The following KLF8 variants were observed in gnomAD, a reference collection of about 807,000 sequenced individuals.
KLF8 encodes the protein Krueppel-like factor 8.
Under a neutral mutation model 18.2 loss-of-function variants are expected in KLF8, and 10 were observed. The ratio of observed to expected loss-of-function variants is 0.55; its 90% CI spans 0.34 to 0.93. The LOEUF (loss-of-function observed/expected upper bound fraction) is 0.93, where lower values mean the gene tolerates loss of function less well. Among genes scored for constraint, KLF8 ranks in the 40% least tolerant of loss-of-function variants. KLF8 has a pLI of 0.02. For synonymous variants in KLF8, 109 were observed against 97.3 expected (o/e 1.12, Z -0.71); for missense variants, 264 against 277.9 (o/e 0.95, Z 0.36).
chrX:56,131,884 G>A, the KLF8 span, among the ~76,000 whole-genome samples: 1 of 112,016 alleles, frequency 8.9e-6, no homozygotes, highest in African/African-American at 3.2e-5. Flanking sequence ...GCAGTTAAAA[G>A]AGACAAAGAG....
chrX:56,038,781 G>A, the KLF8 span, among the ~76,000 whole-genome samples: 1 of 112,444 alleles, frequency 8.9e-6, no homozygotes, highest in South Asian at 3.6e-4. Context: ...GGTCTTTGAG[G>A]AACTGCCACA....
At chrX:56,229,642 G>T (rs1412984823), upstream of KLF8, among the ~76,000 whole-genome samples, 1 of 111,830 alleles carries the variant, frequency 8.9e-6, no homozygotes, top group Non-Finnish European at 1.9e-5. Flanking sequence ...ATTAACTGTG[G>T]TCATGGGTTT....
At chrX:56,051,371 C>G in the KLF8 span, among the ~76,000 whole-genome samples, 4 of 110,485 alleles carry the variant, frequency 3.6e-5, no homozygotes, top group African/African-American at 1.3e-4. Flanking sequence ...TCTCGATGGT[C>G]TTTACATTTT....
At chrX:56,082,134 T>G in the KLF8 span, among the ~76,000 whole-genome samples, 1 of 111,946 alleles carries the variant, frequency 8.9e-6, no homozygotes, top group African/African-American at 3.2e-5. Flanking sequence ...TCCTTACTGG[T>G]TATAGATGTA....
At chrX:56,058,030 C>T in the KLF8 span, among the ~76,000 whole-genome samples, 1 of 103,252 alleles carries the variant, frequency 9.7e-6, no homozygotes, top group African/African-American at 3.6e-5. Flanking sequence ...AACAAGTCCC[C>T]GCGTGGAGTA....
chrX:55,932,754 C>A, the KLF8 span, among the ~76,000 whole-genome samples: 2 of 112,022 alleles, frequency 1.8e-5, no homozygotes, highest in African/African-American at 6.5e-5. Flanking sequence ...GTCTGATGGG[C>A]TTCCCTTTGT....
the KLF8 span, among the ~76,000 whole-genome samples, chrX:56,006,788 G>T: frequency 3.6e-5 from 4 of 112,195 alleles, no homozygotes; most frequent in Non-Finnish European, 7.5e-5. Context: ...CATTCTACAG[G>T]TTGTCTCTTC....
chrX:56,060,647 C>G, the KLF8 span, among the ~76,000 whole-genome samples: 1 of 111,468 alleles, frequency 9.0e-6, no homozygotes, highest in Non-Finnish European at 1.9e-5. Flanking sequence ...CTGAAGTTTT[C>G]TTTTTTGTTG....
the KLF8 span, among the ~76,000 whole-genome samples, chrX:55,928,753 C>A: frequency 8.9e-6 from 1 of 112,308 alleles, no homozygotes; most frequent in Non-Finnish European, 1.9e-5. Context: ...GCCACATTTG[C>A]TTTATCCAGC....
chrX:56,111,991 C>T, the KLF8 span, among the ~76,000 whole-genome samples: 7 of 111,559 alleles, frequency 6.3e-5, no homozygotes, highest in East Asian at 2.0e-3. Context: ...GGTATATACC[C>T]AAAGGGTTAT....
chrX:56,177,911 T>C, the KLF8 span, among the ~76,000 whole-genome samples: 1 of 111,630 alleles, frequency 9.0e-6, no homozygotes, highest in Admixed American at 9.5e-5. Flanking sequence ...AGGTGCCAGA[T>C]ATAATCTCCT....
chrX:56,140,905 AC>A, the KLF8 span, among the ~76,000 whole-genome samples: 1 of 110,941 alleles, frequency 9.0e-6, no homozygotes, highest in Non-Finnish European at 1.9e-5. Context: ...GGTATTATCA[AC>A]TTTTTTAAAA....
chrX:56,282,662 G>A (rs2067217377), intron 5 of KLF8, among the ~76,000 whole-genome samples: 1 of 111,788 alleles, frequency 8.9e-6, no homozygotes, highest in African/African-American at 3.3e-5. Context: ...GTAATTTACA[G>A]GGAGTAAAGG....
At chrX:56,237,903 A>G (rs960743925) in intron 1 of KLF8, among the ~76,000 whole-genome samples, 3 of 111,945 alleles carry the variant, frequency 2.7e-5, no homozygotes, top group African/African-American at 9.7e-5. Context: ...CTTTGTACAA[A>G]TGGGAGGAGA....
At chrX:56,054,600 G>T in the KLF8 span, among the ~76,000 whole-genome samples, 2 of 111,520 alleles carry the variant, frequency 1.8e-5, no homozygotes, top group African/African-American at 6.5e-5. Context: ...TATCTATCAG[G>T]TCCAGTTAAG....
At chrX:56,239,778 G>A (rs935387275) in intron 1 of KLF8, among the ~76,000 whole-genome samples, 5 of 112,005 alleles carry the variant, frequency 4.5e-5, no homozygotes, top group Non-Finnish European at 9.4e-5. Context: ...TTTGCCAGAT[G>A]TAATCATCTA....
chrX:55,947,522 G>A, the KLF8 span, among the ~76,000 whole-genome samples: 1 of 107,175 alleles, frequency 9.3e-6, no homozygotes, highest in Non-Finnish European at 1.9e-5. Context: ...AGCATTAGGA[G>A]ATACACCTAA....
chrX:56,220,210 A>C, the KLF8 span, among the ~76,000 whole-genome samples: 1 of 112,240 alleles, frequency 8.9e-6, no homozygotes, highest in Non-Finnish European at 1.9e-5. Flanking sequence ...TATTCCCTAA[A>C]GAGCAAGACC....
chrX:56,102,929 G>A, the KLF8 span, among the ~76,000 whole-genome samples: 1 of 86,737 alleles, frequency 1.2e-5, no homozygotes, highest in African/African-American at 4.5e-5. Context: ...AGTCCCCGGG[G>A]TGTGATGCTT....
Sources: gnomAD v4.1 joint callset for allele counts (sites outside exome capture counted in the v4.1 genomes callset) on GRCh38, gnomAD v4.1.1 for gene constraint, MANE v1.5 for transcripts, NCBI Gene and HGNC (gene_info 2026-07-23, HGNC 2026-07-21) for gene names.